The following VIPR2 variants were observed in gnomAD, a reference collection of about 807,000 sequenced individuals.
The protein encoded by VIPR2 is vasoactive intestinal polypeptide receptor 2.
Under a neutral mutation model 58.0 loss-of-function variants are expected in VIPR2, and 48 were observed. The ratio of observed to expected loss-of-function variants is 0.83; its 90% confidence interval spans 0.66 to 1.05. The LOEUF (loss-of-function observed/expected upper bound fraction) is 1.05. Ranked by LOEUF, VIPR2 falls within the 50% of genes least tolerant of loss-of-function variation. VIPR2 has a pLI of 0.00. For synonymous variants in VIPR2, 243 were observed against 235.2 expected (o/e 1.03, Z -0.30); for missense variants, 534 against 558.0 (o/e 0.96, Z 0.43).
chr7:159,047,527 C>T (rs1854728402), intron 5 of VIPR2, among the ~76,000 whole-genome samples: 1 of 36,234 alleles, frequency 2.8e-5, no homozygotes, highest in African/African-American at 6.0e-5. Flanking sequence ...GACACTGCTC[C>T]AGCTACTGCA....
chr7:159,076,903 A>G (rs1227223402), intron 4 of VIPR2, among the ~76,000 whole-genome samples: 1 of 152,210 alleles, frequency 6.6e-6, no homozygotes, highest in Non-Finnish European at 1.5e-5. Flanking sequence ...AGTTATCTCC[A>G]TTTTACAAAA....
chr7:159,106,896 C>T (rs574517523), intron 3 of VIPR2, among the ~76,000 whole-genome samples: 1 of 143,330 alleles, frequency 7.0e-6, no homozygotes, highest in Non-Finnish European at 1.5e-5. Flanking sequence ...CAGAAAGAGG[C>T]CAGGGAGGTG....
At chr7:159,132,691 G>T (rs1463246360) in intron 2 of VIPR2, among the ~76,000 whole-genome samples, 1 of 150,592 alleles carries the variant, frequency 6.6e-6, no homozygotes, top group Non-Finnish European at 1.5e-5. Flanking sequence ...ATTCACGGAC[G>T]GGCTCATTCA....
At chr7:159,135,012 T>TG (rs2129497842) in intron 2 of VIPR2, among the ~76,000 whole-genome samples, 1 of 120,650 alleles carries the variant, frequency 8.3e-6, no homozygotes, top group African/African-American at 3.5e-5. Context: ...AAGTTTTTTT[T>TG]TTTTTTTTTT....
chr7:159,122,309 G>A (rs1322537664), intron 2 of VIPR2, among the ~76,000 whole-genome samples: 1 of 152,196 alleles, frequency 6.6e-6, no homozygotes, highest in African/African-American at 2.4e-5. Context: ...CCGAGGTCAT[G>A]CACCAAAGGC....
At chr7:159,115,085 T>C (rs1174757940) in intron 2 of VIPR2, among the ~76,000 whole-genome samples, 1 of 152,222 alleles carries the variant, frequency 6.6e-6, no homozygotes, top group African/African-American at 2.4e-5. Flanking sequence ...CACATGGCCA[T>C]TTAAATGAAA....
In VIPR2 at chr7:159,079,283, C is replaced by T. The variant is rs537993762; in HGVS notation, c.358-20705G>A. On this transcript the variant is annotated intron_variant, in intron 4 of 12. Transcript: ENST00000262178. ...ATAACAAACTGTCTCTCAGACCACA[C>T]TGCAATCAAACTAGAACACAGGATT... Among the ~76,000 whole-genome samples, 4 of 152,216 alleles carry T rather than the reference C, an allele frequency of 2.6e-5. No homozygotes were observed. The South Asian group carries it at 8.3e-4, about 32-fold the overall frequency.
intron 10 of VIPR2, among the ~76,000 whole-genome samples, chr7:159,032,933 C>G (rs1445519471): frequency 1.3e-5 from 2 of 152,020 alleles, no homozygotes; most frequent in African/African-American, 4.8e-5. Flanking sequence ...CTCCCCTGAG[C>G]AGGGACAAGG....
intron 4 of VIPR2, among the ~76,000 whole-genome samples, chr7:159,080,191 T>C (rs1856833129): frequency 2.0e-5 from 3 of 152,262 alleles, no homozygotes; most frequent in South Asian, 4.1e-4. Flanking sequence ...CCAATATCCT[T>C]GATGAACATT....
chr7:159,132,975 C>CAGATTGATTTGAGA (rs1797029518), intron 2 of VIPR2, among the ~76,000 whole-genome samples: 1 of 145,612 alleles, frequency 6.9e-6, no homozygotes. Context: ...GATTGGCATA[C>CAGATTGATTTGAGA]CGATTGATTT....
At chr7:159,032,213 A>G (rs866612250) in intron 10 of VIPR2, 146 bp from the exon 11 acceptor site, 9 of 1,172,504 alleles carry the variant, frequency 7.7e-6, no homozygotes, top group Admixed American at 2.7e-5. Flanking sequence ...CCAACAAGAA[A>G]AACCACTGTT....
chr7:159,035,484 G>C (rs555971790), intron 8 of VIPR2, among the ~76,000 whole-genome samples: 2 of 152,228 alleles, frequency 1.3e-5, no homozygotes, highest in Admixed American at 1.3e-4. Context: ...GGAACCACGC[G>C]TGCTCATGTC....
At position 159,054,536 on chromosome 7, in the gene VIPR2, A is replaced by T. The variant is rs553093017; in HGVS notation, c.455+3945T>A. Among the ~76,000 whole-genome samples the T allele has an allele frequency of 1.0e-4, 16 of 152,384 alleles. No individual in the cohort carries two copies. The South Asian group carries it at 3.3e-3, about 32-fold the overall frequency. ...ACTCATTTTGAAATGGCACTTCAAA[A>T]AAAGCAAGATTTTAAAATGTATGAA... On this transcript the variant is annotated intron_variant, in intron 5 of 12. Transcript: ENST00000262178.
At chr7:159,049,532 C>T (rs1256161762) in intron 5 of VIPR2, among the ~76,000 whole-genome samples, 1 of 152,166 alleles carries the variant, frequency 6.6e-6, no homozygotes, top group East Asian at 1.9e-4. Flanking sequence ...AGGGCAGCCT[C>T]ACCCGCCACA....
chr7:159,040,670 C>A (rs1854271539), intron 6 of VIPR2, among the ~76,000 whole-genome samples: 1 of 152,138 alleles, frequency 6.6e-6, no homozygotes, highest in Admixed American at 6.5e-5. Flanking sequence ...GGGAGAATAA[C>A]CTTGGTTTGG....
Position 159,093,234 on chromosome 7 carries a change from A to G in VIPR2, c.357+10523T>C, listed in dbSNP as rs1480226996. Among the ~76,000 whole-genome samples, 2 of 152,206 alleles carry G rather than the reference A, an allele frequency of 1.3e-5. No individual in the cohort carries two copies. The highest frequency in any genetic ancestry group is 2.9e-5 in the Non-Finnish European group (2 of 68,040). On this transcript the variant is annotated intron_variant, in intron 4 of 12. Coordinates refer to ENST00000262178, the MANE Select transcript of VIPR2 (RefSeq NM_003382.5). The surrounding 1 kb of genome is among the most constrained non-coding windows in gnomAD (Gnocchi z 6.7). Reference sequence around the variant, plus strand: ...ATTTTTAAAAACACTGTAGACTTTGAGAACTTTGTGTGCTCATTTACTTTT... The same window carrying G: ...ATTTTTAAAAACACTGTAGACTTTGGGAACTTTGTGTGCTCATTTACTTTT...
Position 159,097,804 on chromosome 7 carries a change from G to A in VIPR2, c.357+5953C>T, listed in dbSNP as rs566933673. On this transcript the variant is annotated intron_variant, in intron 4 of 12. Transcript: ENST00000262178. This position sits in a 1 kb window ranked among gnomAD's most constrained non-coding sequence, Gnocchi z 5.3. ...TCTGATCCCAGGAGTGGGATAGGGC[G>A]GGCAACAGGGCTTTGTGCAAAGTCA... Among the ~76,000 whole-genome samples, 7 of 152,266 alleles carry A rather than the reference G, an allele frequency of 4.6e-5. No homozygotes were observed. In the South Asian group the frequency reaches 8.3e-4, roughly 18 times the overall value.
intron 10 of VIPR2, among the ~76,000 whole-genome samples, chr7:159,032,622 C>T (rs899442470): frequency 5.3e-5 from 8 of 152,192 alleles, no homozygotes; most frequent in Admixed American, 2.0e-4. Context: ...GGCCTATCTG[C>T]GGCTGAGCTC....
intron 5 of VIPR2, 23 bp from the exon 6 acceptor site, chr7:159,043,199 A>G: frequency 6.6e-7 from 1 of 1,520,204 alleles, no homozygotes; most frequent in South Asian, 1.2e-5. Flanking sequence ...AGTGGGAGAG[A>G]GAGGAATTGG....
Sources: gnomAD v4.1 joint callset for allele counts (sites outside exome capture counted in the v4.1 genomes callset) on GRCh38, gnomAD v4.1.1 for gene constraint, Gnocchi (gnomAD v3.1) non-coding constraint, MANE v1.5 for transcripts, NCBI Gene and HGNC (gene_info 2026-07-23, HGNC 2026-07-21) for gene names.